The following FBXW7 variants were observed in gnomAD, a reference collection of about 807,000 sequenced individuals.
FBXW7 encodes the protein F-box/WD repeat-containing protein 7.
Under a neutral mutation model 86.3 loss-of-function variants are expected in FBXW7, and 11 were observed. That is an observed-to-expected ratio of 0.13 (90% CI 0.08 to 0.21). The LOEUF is 0.21. Ranked by LOEUF, FBXW7 falls within the 10% of genes least tolerant of loss-of-function variation. FBXW7 has a pLI of 1.00. For synonymous variants in FBXW7, 313 were observed against 297.9 expected (o/e 1.05, Z -0.52); for missense variants, 488 against 847.4 (o/e 0.58, Z 5.27).
At chr4:152,344,813 G>A (rs994843601) in intron 6 of FBXW7, among the ~76,000 whole-genome samples, 5 of 151,808 alleles carry the variant, frequency 3.3e-5, no homozygotes, top group African/African-American at 1.2e-4. Flanking sequence ...ATTCCAAAAC[G>A]TTGGAAAAAA....
intron 7 of FBXW7, among the ~76,000 whole-genome samples, chr4:152,336,028 A>T (rs555283482): frequency 1.3e-5 from 2 of 152,328 alleles, no homozygotes; most frequent in Non-Finnish European, 2.9e-5. Flanking sequence ...TCCTGACAAG[A>T]AGGTAATAAT....
chr4:152,382,480 C>T (rs1735180212), intron 4 of FBXW7: 10 of 1,211,240 alleles, frequency 8.3e-6, no homozygotes, highest in African/African-American at 1.6e-5. Flanking sequence ...TTTTGTCTTT[C>T]AACCTTCCCC....
intron 4 of FBXW7, among the ~76,000 whole-genome samples, chr4:152,391,430 C>T (rs1397385988): frequency 6.6e-6 from 1 of 152,040 alleles, no homozygotes; most frequent in Non-Finnish European, 1.5e-5. Flanking sequence ...AAAACACTAA[C>T]TGGCTATCAA....
At chr4:152,473,277 T>C (rs1367264646) in intron 2 of FBXW7, among the ~76,000 whole-genome samples, 1 of 152,162 alleles carries the variant, frequency 6.6e-6, no homozygotes, top group Non-Finnish European at 1.5e-5. Flanking sequence ...TGCTAATGCT[T>C]TCCTAGACAG....
At chr4:152,359,328 T>G (rs1051817805) in intron 4 of FBXW7, among the ~76,000 whole-genome samples, 12 of 152,138 alleles carry the variant, frequency 7.9e-5, no homozygotes, top group African/African-American at 2.9e-4. Flanking sequence ...AGGCTGGGTG[T>G]GGTGGCTCAC....
At chr4:152,341,820 TGC>T (rs969830749) in intron 6 of FBXW7, among the ~76,000 whole-genome samples, 7 of 152,190 alleles carry the variant, frequency 4.6e-5, no homozygotes, top group African/African-American at 1.4e-4. Context: ...TGTGTGTGTG[TGC>T]GCGCGCATGC....
intron 2 of FBXW7, among the ~76,000 whole-genome samples, chr4:152,463,388 A>G (rs1264124067): frequency 6.6e-6 from 1 of 152,194 alleles, no homozygotes; most frequent in African/African-American, 2.4e-5. Context: ...AACCATAAGG[A>G]AATCACAATC....
chr4:152,422,393 G>C (rs1739024139), intron 2 of FBXW7, among the ~76,000 whole-genome samples: 1 of 152,172 alleles, frequency 6.6e-6, no homozygotes. Flanking sequence ...GTATTGTACT[G>C]AAGAGTTTCT....
In FBXW7 at chr4:152,347,054, G is replaced by C. The variant is rs1268296868; in HGVS notation, c.602C>G (p.Pro201Arg). The C allele has an allele frequency of 4.3e-6, 7 of 1,610,122 alleles. No individual in the cohort carries two copies. Among genetic ancestry groups the C allele is most frequent in the Non-Finnish European group, 5.9e-6 (7 of 1,178,836 alleles). Reference protein sequence around the residue: ...SEYTSTTGLVPCSATPTTFGD... With the variant: ...SEYTSTTGLVRCSATPTTFGD... ...AAAAGTTGTTGGTGTTGCTGAACATGGTACAAGCCCAGTGGTACTACAAAA... is the reference window on the plus strand; with the variant it reads ...AAAAGTTGTTGGTGTTGCTGAACATCGTACAAGCCCAGTGGTACTACAAAA... Residue 201 changes from proline (P) to arginine (R), a missense_variant, in exon 6 of 14, where the codon CCA (proline) becomes CGA (arginine). Pro to Arg is a moderately radical substitution (Grantham distance 103, BLOSUM62 -2). Transcript: ENST00000281708.
At chr4:152,533,948 T>C (rs1750236308) in intron 2 of FBXW7, among the ~76,000 whole-genome samples, 1 of 152,240 alleles carries the variant, frequency 6.6e-6, no homozygotes, top group Non-Finnish European at 1.5e-5. Flanking sequence ...CCCACAGTTG[T>C]CTAGACGGAC....
chr4:152,523,657 G>C (rs1749212837), intron 2 of FBXW7, among the ~76,000 whole-genome samples: 1 of 152,176 alleles, frequency 6.6e-6, no homozygotes, highest in Non-Finnish European at 1.5e-5. Context: ...AATAAAGCTA[G>C]TCTATGATAC....
intron 6 of FBXW7, among the ~76,000 whole-genome samples, chr4:152,338,673 C>T (rs1331784706): frequency 6.6e-6 from 1 of 151,894 alleles, no homozygotes; most frequent in African/African-American, 2.4e-5. Flanking sequence ...AAACATTATC[C>T]CAGTGAAGAA....
intron 2 of FBXW7, among the ~76,000 whole-genome samples, chr4:152,502,861 C>A (rs1747084623): frequency 6.6e-6 from 1 of 152,140 alleles, no homozygotes; most frequent in Admixed American, 6.5e-5. Context: ...AACAAATACA[C>A]AGTGAATTTT....
intron 2 of FBXW7, among the ~76,000 whole-genome samples, chr4:152,475,890 A>G (rs933507467): frequency 1.3e-5 from 2 of 152,326 alleles, no homozygotes; most frequent in East Asian, 3.9e-4. Context: ...GGAAGGCTCA[A>G]TATTGGCAAA....
chr4:152,497,321 C>CAAAAA (rs55764450), intron 2 of FBXW7, among the ~76,000 whole-genome samples: 1 of 51,662 alleles, frequency 1.9e-5, no homozygotes, highest in African/African-American at 8.2e-5. Context: ...GACTCCATCT[C>CAAAAA]AAAAAAAAAA....
chr4:152,501,883 C>G (rs953947554), intron 2 of FBXW7, among the ~76,000 whole-genome samples: 7 of 152,100 alleles, frequency 4.6e-5, no homozygotes, highest in Admixed American at 3.9e-4. Flanking sequence ...ATATGTATAT[C>G]CAAATGCTTT....
chr4:152,508,138 T>A (rs567187155), intron 2 of FBXW7, among the ~76,000 whole-genome samples: 4 of 151,842 alleles, frequency 2.6e-5, no homozygotes, highest in African/African-American at 9.7e-5. Flanking sequence ...AGGAACCTCC[T>A]TGAAGAGGCT....
chr4:152,403,736 G>A (rs866645095), intron 4 of FBXW7, among the ~76,000 whole-genome samples: 6 of 152,108 alleles, frequency 3.9e-5, no homozygotes, highest in Non-Finnish European at 2.9e-5. Context: ...GACAGGAGGC[G>A]GAGCACAGGC....
At chr4:152,465,693 A>C (rs1297915482) in intron 2 of FBXW7, among the ~76,000 whole-genome samples, 6 of 151,908 alleles carry the variant, frequency 3.9e-5, no homozygotes, top group African/African-American at 1.5e-4. Flanking sequence ...AAAATACAAA[A>C]ATTAGCCGGG....
Sources: allele counts gnomAD v4.1 joint callset (sites outside exome capture counted in the v4.1 genomes callset), GRCh38; gene constraint gnomAD v4.1.1; transcripts MANE v1.5; gene names NCBI Gene and HGNC (gene_info 2026-07-23, HGNC 2026-07-21).